NRG1: variants seen among roughly 807,000 people sequenced by gnomAD.
NRG1 encodes the protein neuregulin 1, also known as pro-neuregulin-1, membrane-bound isoform.
A neutral mutation model predicts 63.8 loss-of-function variants in NRG1; 18 were observed. That is an observed-to-expected ratio of 0.28 (90% CI 0.19 to 0.42). The LOEUF is 0.42. NRG1 is among the 10% of genes least tolerant of loss of function. The probability of loss-of-function intolerance (pLI) is 1.00; values close to 1 mark genes in which losing one functional copy is unlikely to be tolerated. For synonymous variants in NRG1, 302 were observed against 301.3 expected (o/e 1.00, Z -0.02); for missense variants, 762 against 814.7 (o/e 0.94, Z 0.79).
At chr8:31,994,499 A>G (rs939348163) in intron 1 of NRG1, among the ~76,000 whole-genome samples, 3 of 151,602 alleles carry the variant, frequency 2.0e-5, no homozygotes, top group African/African-American at 7.3e-5. Flanking sequence ...CATAAAATTT[A>G]AAAAGTTAGT....
intron 1 of NRG1, among the ~76,000 whole-genome samples, chr8:32,142,378 C>A (rs190565322): frequency 1.1e-4 from 17 of 152,282 alleles, no homozygotes; most frequent in African/African-American, 3.8e-4. Flanking sequence ...TTTTAGACTT[C>A]CTATGCTATA....
intron 1 of NRG1, among the ~76,000 whole-genome samples, chr8:32,044,241 A>G (rs1343055373): frequency 6.6e-6 from 1 of 152,000 alleles, no homozygotes; most frequent in African/African-American, 2.4e-5. Flanking sequence ...AGAACAATTT[A>G]CTAAGAAGAC....
intron 1 of NRG1, among the ~76,000 whole-genome samples, chr8:32,248,396 T>C (rs1433198299): frequency 6.6e-6 from 1 of 152,072 alleles, no homozygotes; most frequent in African/African-American, 2.4e-5. Context: ...TTATGCAAAG[T>C]GGCAAAAATG....
At chr8:31,870,722 T>A (rs369576353) in intron 1 of NRG1, among the ~76,000 whole-genome samples, 2 of 152,254 alleles carry the variant, frequency 1.3e-5, no homozygotes, top group South Asian at 2.1e-4. Flanking sequence ...TTGAGAGGGT[T>A]TTATTTTTTT....
intron 1 of NRG1, among the ~76,000 whole-genome samples, chr8:32,031,749 A>C (rs558500921): frequency 6.6e-6 from 1 of 152,226 alleles, no homozygotes; most frequent in East Asian, 1.9e-4. Context: ...GCTGAGGATA[A>C]TGGCTTCCAG....
intron 1 of NRG1, among the ~76,000 whole-genome samples, chr8:31,675,284 T>C (rs969799754): frequency 6.6e-6 from 1 of 152,178 alleles, no homozygotes; most frequent in Non-Finnish European, 1.5e-5. Flanking sequence ...GAGGTTGCAG[T>C]GAGCTGAGAT....
rs538374062 is a variant in NRG1, at chr8:32,039,542, T to C, written c.37+400111T>C. Among the ~76,000 whole-genome samples the C allele has an allele frequency of 2.0e-5, 3 of 152,338 alleles. No individual in the cohort carries two copies. The South Asian group carries it at 6.2e-4, about 32-fold the overall frequency. ...TAGTAAATGTGAATGTTTACTATTA[T>C]TTCTAGGGTTTATGATAAAAGATGG... On this transcript the variant is annotated intron_variant, in intron 1 of 10. Transcript: ENST00000519301.
intron 1 of NRG1, among the ~76,000 whole-genome samples, chr8:32,251,341 A>G (rs1320131130): frequency 1.3e-5 from 2 of 152,136 alleles, no homozygotes; most frequent in Non-Finnish European, 2.9e-5. Flanking sequence ...GTTTGCTGAG[A>G]ATAATAGCTT....
chr8:32,233,808 C>G (rs548798055), intron 1 of NRG1, among the ~76,000 whole-genome samples: 7 of 151,638 alleles, frequency 4.6e-5, no homozygotes, highest in African/African-American at 1.7e-4. Context: ...CGTGATCCAC[C>G]CCCCCATCAG....
intron 1 of NRG1, among the ~76,000 whole-genome samples, chr8:31,711,386 G>A (rs963439181): frequency 6.6e-6 from 1 of 152,152 alleles, no homozygotes; most frequent in Non-Finnish European, 1.5e-5. Flanking sequence ...AGATGGTGCT[G>A]TTAATACATG....
intron 1 of NRG1, among the ~76,000 whole-genome samples, chr8:32,202,084 C>T (rs1843552479): frequency 6.6e-6 from 1 of 152,108 alleles, no homozygotes; most frequent in Admixed American, 6.5e-5. Flanking sequence ...CTACAATCAG[C>T]TAGAGTCAAA....
intron 1 of NRG1, among the ~76,000 whole-genome samples, chr8:32,067,786 G>A (rs181620683): frequency 1.1e-4 from 17 of 152,100 alleles, no homozygotes; most frequent in Admixed American, 6.6e-4. Flanking sequence ...ATCCATACAC[G>A]ATTACTAAGA....
chr8:32,662,574 A>T (rs1419543469), intron 5 of NRG1, among the ~76,000 whole-genome samples: 2 of 152,158 alleles, frequency 1.3e-5, no homozygotes, highest in African/African-American at 4.8e-5. Flanking sequence ...GGATCCCAAG[A>T]TCCCGGTGGA....
At chr8:32,751,301 G>A (rs979308227) in intron 7 of NRG1, 2 of 152,194 alleles carry the variant, frequency 1.3e-5, no homozygotes, top group Non-Finnish European at 2.9e-5. Context: ...GGCCAGATCA[G>A]ACTGAAAAAT....
At chr8:32,758,063 C>G (rs1278059357) in intron 9 of NRG1, among the ~76,000 whole-genome samples, 2 of 152,144 alleles carry the variant, frequency 1.3e-5, no homozygotes, top group Non-Finnish European at 2.9e-5. Context: ...AAGCATAATT[C>G]AAGCTGTATA....
rs1800992350 is a variant in NRG1 at position 32,318,287 on chromosome 8, T to C, written c.38-277541T>C. On this transcript the variant is annotated intron_variant, in intron 1 of 10. Transcript: ENST00000519301. Reference sequence around the variant, plus strand: ...GTTATGAATTCCTTGAATTTCATTATTTTTTCTTGCTGTTTAAGTAGTATA... The same window carrying C: ...GTTATGAATTCCTTGAATTTCATTACTTTTTCTTGCTGTTTAAGTAGTATA... 2.6e-5 allele frequency among the ~76,000 whole-genome samples: 4 copies of C among 152,330 alleles called. No individual in the cohort carries two copies. In the South Asian group the frequency reaches 8.3e-4, roughly 32 times the overall value.
chr8:31,872,366 T>A (rs1829565070), intron 1 of NRG1, among the ~76,000 whole-genome samples: 1 of 152,200 alleles, frequency 6.6e-6, no homozygotes, highest in Non-Finnish European at 1.5e-5. Context: ...TCCAACTACA[T>A]CAGAAACATT....
intron 1 of NRG1, among the ~76,000 whole-genome samples, chr8:32,119,110 G>T (rs1833111095): frequency 6.6e-6 from 1 of 151,912 alleles, no homozygotes. Context: ...TCTCTTATTG[G>T]GGAACATTTG....
chr8:31,995,518 C>G (rs1234081286), intron 1 of NRG1, among the ~76,000 whole-genome samples: 1 of 151,950 alleles, frequency 6.6e-6, no homozygotes, highest in African/African-American at 2.4e-5. Flanking sequence ...CCGGAGTCAG[C>G]TGGACTGGAC....
Sources: gnomAD v4.1 joint callset for allele counts (sites outside exome capture counted in the v4.1 genomes callset) on GRCh38, gnomAD v4.1.1 for gene constraint, MANE v1.5 for transcripts, NCBI Gene and HGNC (gene_info 2026-07-23, HGNC 2026-07-21) for gene names.